The following BRINP1 variants were observed in gnomAD, a reference collection of about 807,000 sequenced individuals.
BRINP1 encodes BMP/retinoic acid-inducible neural-specific protein 1.
In BRINP1, 17 loss-of-function variants were observed where a neutral mutation model predicts 72.9. The observed-to-expected ratio is 0.23, with a 90% CI of 0.16 to 0.35. The LOEUF (loss-of-function observed/expected upper bound fraction) is 0.35, where lower values mean the gene tolerates loss of function less well. Among genes scored for constraint, BRINP1 ranks in the 10% least tolerant of loss-of-function variants. The pLI, the probability that BRINP1 is intolerant of heterozygous loss-of-function variation, is 1.00. For missense variants in BRINP1, 850 were observed against 1,001.6 expected (o/e 0.85, Z 2.04); for synonymous variants, 418 against 378.5 (o/e 1.10, Z -1.21).
chr9:119,355,594 T>C (rs1831554665), intron 1 of BRINP1, among the ~76,000 whole-genome samples: 1 of 151,852 alleles, frequency 6.6e-6, no homozygotes, highest in South Asian at 2.1e-4. Context: ...CCGGGCGTGG[T>C]GGTGGGTGCC....
At chr9:119,168,677 G>A (rs939487822) in intron 7 of BRINP1, among the ~76,000 whole-genome samples, 1 of 117,806 alleles carries the variant, frequency 8.5e-6, no homozygotes, top group Non-Finnish European at 2.0e-5. Flanking sequence ...CCCCATTACA[G>A]ATTCCTCCCA....
intron 5 of BRINP1, among the ~76,000 whole-genome samples, chr9:119,232,724 A>C (rs1051437433): frequency 6.6e-6 from 1 of 152,094 alleles, no homozygotes; most frequent in Non-Finnish European, 1.5e-5. Flanking sequence ...TTTCTGTATC[A>C]TCCACAGATT....
chr9:119,237,136 T>A (rs1588173216), intron 5 of BRINP1, among the ~76,000 whole-genome samples: 1 of 152,262 alleles, frequency 6.6e-6, no homozygotes, highest in East Asian at 1.9e-4. Flanking sequence ...CCCACTGACA[T>A]TCAGAATCAC....
At chr9:119,213,627 C>T in intron 6 of BRINP1, 2 of 564,680 alleles carry the variant, frequency 3.5e-6, no homozygotes, top group Non-Finnish European at 6.3e-6. Flanking sequence ...TCTGACTCTT[C>T]CCTCTCCAGA....
At chr9:119,320,593 T>C (rs924957559) in intron 1 of BRINP1, among the ~76,000 whole-genome samples, 1 of 152,088 alleles carries the variant, frequency 6.6e-6, no homozygotes, top group Non-Finnish European at 1.5e-5. Context: ...CTGCTTTCTA[T>C]GCGAGGGTGC....
intron 1 of BRINP1, among the ~76,000 whole-genome samples, chr9:119,350,558 G>A (rs1831497130): frequency 6.6e-6 from 1 of 151,876 alleles, no homozygotes; most frequent in Non-Finnish European, 1.5e-5. Context: ...ATATATTTAT[G>A]ACATGCACAT....
At chr9:119,230,265 G>A (rs924190903) in intron 5 of BRINP1, among the ~76,000 whole-genome samples, 2 of 152,116 alleles carry the variant, frequency 1.3e-5, no homozygotes, top group Admixed American at 6.6e-5. Context: ...GCTTGCATTT[G>A]AACAGCCTGG....
At chr9:119,324,645 G>T (rs1466426080) in intron 1 of BRINP1, among the ~76,000 whole-genome samples, 1 of 152,298 alleles carries the variant, frequency 6.6e-6, no homozygotes, top group South Asian at 2.1e-4. Context: ...TATCATTAAT[G>T]CTGACCCTTG....
chr9:119,249,164 A>G lies in BRINP1; in HGVS notation c.219-14T>C. 6.2e-7 allele frequency: 1 copy of G among 1,609,844 alleles called. No individual in the cohort carries two copies. The highest frequency in any genetic ancestry group is 8.5e-7 in the Non-Finnish European group (1 of 1,177,972). ...CGGGCAAACTCCCTGGGCAGGAGAA[A>G]TGAGCAACACTTCTCAACTTACCAC... is the stretch of plus-strand genomic sequence containing the variant. On this transcript the variant is annotated splice_polypyrimidine_tract_variant and intron_variant, in intron 2 of 7. Coordinates refer to ENST00000265922, the MANE Select transcript of BRINP1 (RefSeq NM_014618.3).
At chr9:119,295,766 G>T (rs538112097) in intron 2 of BRINP1, among the ~76,000 whole-genome samples, 1 of 152,092 alleles carries the variant, frequency 6.6e-6, no homozygotes, top group East Asian at 1.9e-4. Flanking sequence ...TTCAACAAGG[G>T]TTCCAACCAC....
intron 2 of BRINP1, among the ~76,000 whole-genome samples, chr9:119,254,132 T>C (rs1332276845): frequency 3.3e-5 from 5 of 152,184 alleles, no homozygotes; most frequent in African/African-American, 1.2e-4. Context: ...GCACCTACTA[T>C]TTTTCCAGCT....
chr9:119,296,690 G>A (rs1296034428), intron 2 of BRINP1, among the ~76,000 whole-genome samples: 3 of 152,120 alleles, frequency 2.0e-5, no homozygotes, highest in Admixed American at 6.5e-5. Context: ...CCTTTAAAAA[G>A]AAAGAAATCC....
chr9:119,354,570 A>G (rs181794572), intron 1 of BRINP1, among the ~76,000 whole-genome samples: 84 of 152,224 alleles, frequency 5.5e-4, no homozygotes, highest in African/African-American at 1.9e-3. Context: ...CAGGGAATGT[A>G]TACATCAGGC....
chr9:119,170,463 A>C (rs1173790015), intron 7 of BRINP1, among the ~76,000 whole-genome samples: 1 of 151,796 alleles, frequency 6.6e-6, no homozygotes, highest in African/African-American at 2.4e-5. Flanking sequence ...CAAAGCCTCC[A>C]AGAAATATGG....
chr9:119,167,611 A>G lies in BRINP1; in HGVS notation c.1759T>C (p.Trp587Arg). The G allele has an allele frequency of 2.5e-6, 4 of 1,614,112 alleles. No individual in the cohort carries two copies. The highest frequency in any genetic ancestry group is 3.4e-6 in the Non-Finnish European group (4 of 1,180,024). The change falls in exon 8 of 8, where the codon TGG becomes CGG. Residue 587 changes from tryptophan (W) to arginine (R), a missense_variant. Trp to Arg is a moderately radical substitution (Grantham distance 101, BLOSUM62 -3). Transcript: ENST00000265922. This position sits in a 1 kb window ranked among gnomAD's most constrained non-coding sequence, Gnocchi z 4.3. ...CTGTTTTGGAGACGGATCTTCTCCC[A>G]GCGTGGGTAGCCAAATTCCCCGAAG... ...MPFGEFGYPR[W>R]EKIRLQNSQC...
intron 2 of BRINP1, among the ~76,000 whole-genome samples, chr9:119,312,002 T>C (rs553421234): frequency 1.3e-5 from 2 of 152,300 alleles, no homozygotes; most frequent in African/African-American, 2.4e-5. Flanking sequence ...GCCCATCTCA[T>C]AGAGGAGGTT....
chr9:119,245,329 A>C (rs1830302728), intron 3 of BRINP1, among the ~76,000 whole-genome samples: 1 of 152,214 alleles, frequency 6.6e-6, no homozygotes, highest in South Asian at 2.1e-4. Flanking sequence ...CTTTGTGAAC[A>C]TCTGTCTATA....
intron 2 of BRINP1, chr9:119,282,737 T>A (rs571905367): frequency 2.1e-6 from 2 of 934,724 alleles, no homozygotes; most frequent in South Asian, 9.9e-5. Context: ...GGAACAAGAA[T>A]GTTGTTCCTT....
intron 2 of BRINP1, among the ~76,000 whole-genome samples, chr9:119,278,419 G>C (rs1830676519): frequency 6.6e-6 from 1 of 152,140 alleles, no homozygotes; most frequent in Admixed American, 6.5e-5. Flanking sequence ...TGTTTTTCTG[G>C]CCTCATATAG....
Sources: allele counts gnomAD v4.1 joint callset (sites outside exome capture counted in the v4.1 genomes callset), GRCh38; gene constraint gnomAD v4.1.1; non-coding constraint Gnocchi (gnomAD v3.1); transcripts MANE v1.5; gene names NCBI Gene and HGNC (gene_info 2026-07-23, HGNC 2026-07-21).